CDH4: variants seen among roughly 807,000 people sequenced by gnomAD.
CDH4 encodes the protein cadherin-4.
In CDH4, 33 loss-of-function variants were observed where a neutral mutation model predicts 86.0. The observed-to-expected ratio is 0.38, with a 90% CI of 0.29 to 0.51. CDH4 has a LOEUF of 0.51. CDH4 is among the 20% of genes least tolerant of loss of function. The pLI is 0.86. For synonymous variants in CDH4, 555 were observed against 549.4 expected (o/e 1.01, Z -0.14); for missense variants, 1,114 against 1,307.4 (o/e 0.85, Z 2.28).
At chr20:61,803,089 G>A (rs959903530) in intron 4 of CDH4, among the ~76,000 whole-genome samples, 13 of 152,238 alleles carry the variant, frequency 8.5e-5, no homozygotes, top group Non-Finnish European at 1.6e-4. Context: ...TTGCCTGCCT[G>A]TAGAGCGGCC....
intron 2 of CDH4, among the ~76,000 whole-genome samples, chr20:61,607,975 C>T (rs553935452): frequency 6.6e-6 from 1 of 152,300 alleles, no homozygotes; most frequent in East Asian, 1.9e-4. Flanking sequence ...TCCTCCTCTC[C>T]TTTCCCTCAT....
intron 2 of CDH4, among the ~76,000 whole-genome samples, chr20:61,585,586 C>T (rs1485207595): frequency 1.3e-5 from 2 of 152,176 alleles, no homozygotes; most frequent in African/African-American, 4.8e-5. Flanking sequence ...TTGTTGGATA[C>T]TCCCGAACTT....
chr20:61,553,883 C>T (rs951513945), intron 2 of CDH4, among the ~76,000 whole-genome samples: 2 of 152,196 alleles, frequency 1.3e-5, no homozygotes, highest in African/African-American at 4.8e-5. Context: ...CAAAATGAGT[C>T]ATGACTCCAG....
intron 11 of CDH4, among the ~76,000 whole-genome samples, chr20:61,926,861 A>T (rs1163031929): frequency 6.6e-6 from 1 of 152,016 alleles, no homozygotes; most frequent in African/African-American, 2.4e-5. Context: ...CAATAGAGTG[A>T]GACTCCATCT....
At chr20:61,436,005 C>T (rs1198773567) in intron 2 of CDH4, among the ~76,000 whole-genome samples, 3 of 152,064 alleles carry the variant, frequency 2.0e-5, no homozygotes, top group Non-Finnish European at 4.4e-5. Context: ...TTCTCCCAGC[C>T]CCACCACAGG....
chr20:61,444,577 CTG>C (rs1238215751), intron 2 of CDH4, among the ~76,000 whole-genome samples: 77 of 142,790 alleles, frequency 5.4e-4, no homozygotes, highest in African/African-American at 1.7e-3. Context: ...ACATCTGTGT[CTG>C]TGTGTATATC....
At chr20:61,551,752 A>C (rs1379312699) in intron 2 of CDH4, among the ~76,000 whole-genome samples, 2 of 152,248 alleles carry the variant, frequency 1.3e-5, no homozygotes, top group African/African-American at 2.4e-5. Context: ...TAGTGTGATC[A>C]AGACAGCATG....
At chr20:61,561,351 A>G (rs2086215453) in intron 2 of CDH4, among the ~76,000 whole-genome samples, 1 of 152,226 alleles carries the variant, frequency 6.6e-6, no homozygotes, top group Non-Finnish European at 1.5e-5. Context: ...CACAGGCGTC[A>G]TCCCCGTTTT....
At chr20:61,901,211 A>AGGAGTAGGG in intron 8 of CDH4, among the ~76,000 whole-genome samples, 1 of 124,044 alleles carries the variant, frequency 8.1e-6, no homozygotes, top group Non-Finnish European at 1.7e-5. Flanking sequence ...CAGGAGCAGG[A>AGGAGTAGGG]GCAGGAGGAG....
chr20:61,844,742 G>C lies in CDH4; in HGVS notation c.651G>C (p.Met217Ile), dbSNP rs750019719. The change falls in exon 5 of 16, where the codon ATG becomes ATC. Residue 217 changes from methionine (M) to isoleucine (I), a missense_variant. Met to Ile is a conservative substitution (Grantham distance 10, BLOSUM62 1). Around this residue, in one of 3 missense-constraint regions of CDH4, gnomAD observed 705 missense variants for 914.1 expected, o/e 0.77. Transcript: ENST00000614565. ...GAGTGGGCGCCGACCAGCCCCCCAT[G>C]GAGGTCTTCAGCATTGACTCCATGT... ...ITGVGADQPP[M>I]EVFSIDSMSG... 1 of 1,614,066 alleles carries C rather than the reference G, an allele frequency of 6.2e-7. No individual in the cohort carries two copies.
chr20:61,826,962 A>AGTGTGTGT (rs11470719), intron 4 of CDH4, among the ~76,000 whole-genome samples: 37 of 146,084 alleles, frequency 2.5e-4, no homozygotes, highest in African/African-American at 8.8e-4. Context: ...AGAAGGGAAA[A>AGTGTGTGT]GTGTGTGTGT....
intron 2 of CDH4, among the ~76,000 whole-genome samples, chr20:61,548,725 T>C (rs997715256): frequency 6.6e-6 from 1 of 152,126 alleles, no homozygotes; most frequent in Non-Finnish European, 1.5e-5. Context: ...AGCACAACCT[T>C]GGAAGGTTTT....
chr20:61,573,814 C>T lies in CDH4; in HGVS notation c.170-169749C>T, dbSNP rs187403604. 3.8e-3 allele frequency among the ~76,000 whole-genome samples: 585 copies of T among 152,342 alleles called. 4 individuals carry two copies. The highest frequency in any genetic ancestry group is 0.013 in the African/African-American group (559 of 41,574). Reference sequence around the variant, plus strand: ...GCTGTGTATATAAACTGCATATAAACACAATTTTGATAAACTCAAACACAG... The same window carrying T: ...GCTGTGTATATAAACTGCATATAAATACAATTTTGATAAACTCAAACACAG... On this transcript the variant is annotated intron_variant, in intron 2 of 15. Transcript: ENST00000614565.
chr20:61,432,930 C>G (rs1873899847), intron 2 of CDH4, among the ~76,000 whole-genome samples: 1 of 150,444 alleles, frequency 6.6e-6, no homozygotes, highest in Non-Finnish European at 1.5e-5. Context: ...CCTCTGCCTC[C>G]CGGGTTCCAG....
chr20:61,500,892 G>A (rs1269027758), intron 2 of CDH4, among the ~76,000 whole-genome samples: 1 of 152,224 alleles, frequency 6.6e-6, no homozygotes, highest in African/African-American at 2.4e-5. Context: ...GGCCCACGCA[G>A]CCGCTCTTGA....
At chr20:61,916,143 C>A (rs73917138) in intron 9 of CDH4, among the ~76,000 whole-genome samples, 13,639 of 146,846 alleles carry the variant, frequency 0.093, 1,461 homozygotes, top group East Asian at 0.45. Flanking sequence ...GTAGAGACGT[C>A]GTCTTTTCAG....
At chr20:61,490,849 A>C (rs2085622318) in intron 2 of CDH4, among the ~76,000 whole-genome samples, 1 of 152,190 alleles carries the variant, frequency 6.6e-6, no homozygotes, top group African/African-American at 2.4e-5. Flanking sequence ...AATACCTCCC[A>C]AATCCTTAAA....
chr20:61,610,983 C>T (rs1318386038), intron 2 of CDH4, among the ~76,000 whole-genome samples: 3 of 151,140 alleles, frequency 2.0e-5, no homozygotes, highest in African/African-American at 4.9e-5. Flanking sequence ...GTGGCCCAGA[C>T]GGCCATGCCT....
chr20:61,275,568 C>A (rs1338211627), intron 2 of CDH4, among the ~76,000 whole-genome samples: 15 of 73,484 alleles, frequency 2.0e-4, no homozygotes, highest in African/African-American at 4.5e-4. Context: ...GGGGAGTACC[C>A]TGCGCAGTTT....
Sources: allele counts gnomAD v4.1 joint callset (sites outside exome capture counted in the v4.1 genomes callset), GRCh38; gene constraint gnomAD v4.1.1; regional missense constraint gnomAD v4.1.1; transcripts MANE v1.5; gene names NCBI Gene and HGNC (gene_info 2026-07-23, HGNC 2026-07-21).